The following ZBTB38 variants were observed in gnomAD, a reference collection of about 807,000 sequenced individuals.
ZBTB38 encodes zinc finger and BTB domain containing 38.
ZBTB38 carries 20 observed loss-of-function variants against 76.8 expected under a neutral mutation model. The ratio of observed to expected loss-of-function variants is 0.26; its 90% CI spans 0.18 to 0.38. The LOEUF (loss-of-function observed/expected upper bound fraction) is 0.38, where lower values mean the gene tolerates loss of function less well. Among genes scored for constraint, ZBTB38 ranks in the 10% least tolerant of loss-of-function variants. ZBTB38 has a pLI of 1.00. For missense variants in ZBTB38, 1,082 were observed against 1,482.3 expected (o/e 0.73, Z 4.43); for synonymous variants, 504 against 544.2 (o/e 0.93, Z 1.03).
chr3:141,408,002 T>A (rs1182377720), intron 5 of ZBTB38, among the ~76,000 whole-genome samples: 1 of 152,242 alleles, frequency 6.6e-6, no homozygotes, highest in Non-Finnish European at 1.5e-5. Flanking sequence ...CAAACCAGTT[T>A]CTTTTTCTGG....
At chr3:141,340,251 T>C (rs1559912812) in intron 1 of ZBTB38, among the ~76,000 whole-genome samples, 1 of 152,212 alleles carries the variant, frequency 6.6e-6, no homozygotes, top group Non-Finnish European at 1.5e-5. Flanking sequence ...TAATATTCAG[T>C]CCAAAGCGTT....
At chr3:141,419,082 C>A (rs2150103806) in intron 5 of ZBTB38, among the ~76,000 whole-genome samples, 1 of 152,250 alleles carries the variant, frequency 6.6e-6, no homozygotes, top group South Asian at 2.1e-4. Context: ...GTTTTGCAGG[C>A]TTAATGGGAA....
intron 5 of ZBTB38, among the ~76,000 whole-genome samples, chr3:141,405,252 TG>T (rs1284302574): frequency 1.3e-5 from 2 of 152,242 alleles, no homozygotes; most frequent in Non-Finnish European, 2.9e-5. Flanking sequence ...AATTTTCTAT[TG>T]TTAATATGCT....
chr3:141,367,585 A>C (rs1944018627), upstream of ZBTB38: 1 of 152,234 alleles, frequency 6.6e-6, no homozygotes. Flanking sequence ...GCCACTCAGC[A>C]CCGTGATTAA....
intron 5 of ZBTB38, among the ~76,000 whole-genome samples, chr3:141,415,476 GGGA>G (rs1465919910): frequency 6.6e-6 from 1 of 152,142 alleles, no homozygotes; most frequent in Non-Finnish European, 1.5e-5. Flanking sequence ...GACATCCTCT[GGGA>G]GTCCGTTAGA....
intron 1 of ZBTB38, among the ~76,000 whole-genome samples, chr3:141,337,652 G>A (rs1268954498): frequency 6.6e-6 from 1 of 152,158 alleles, no homozygotes; most frequent in Admixed American, 6.5e-5. Context: ...TAAGGAAGCA[G>A]GTTTGATGAT....
intron 1 of ZBTB38, among the ~76,000 whole-genome samples, chr3:141,329,378 T>G (rs1942777363): frequency 6.6e-6 from 1 of 152,196 alleles, no homozygotes; most frequent in Non-Finnish European, 1.5e-5. Context: ...TCCCACATCC[T>G]TCTCCCAGCT....
At chr3:141,431,385 T>G (rs1038479628) in intron 5 of ZBTB38, among the ~76,000 whole-genome samples, 1 of 147,118 alleles carries the variant, frequency 6.8e-6, no homozygotes, top group Admixed American at 6.7e-5. Flanking sequence ...TCAGTGGAAT[T>G]TGGGTAAAAC....
chr3:141,412,804 GT>G (rs1337185452), intron 5 of ZBTB38, among the ~76,000 whole-genome samples: 75 of 145,152 alleles, frequency 5.2e-4, no homozygotes, highest in Admixed American at 6.2e-4. Context: ...TTTCCACTCG[GT>G]TTTTTTTTTT....
At chr3:141,391,151 C>T (rs769447992) in intron 4 of ZBTB38, among the ~76,000 whole-genome samples, 10 of 151,900 alleles carry the variant, frequency 6.6e-5, no homozygotes, top group Non-Finnish European at 1.2e-4. Context: ...AAAAGCAAGA[C>T]TCTTTCTCTA....
At chr3:141,411,913 A>G (rs1478199779) in intron 5 of ZBTB38, among the ~76,000 whole-genome samples, 1 of 152,240 alleles carries the variant, frequency 6.6e-6, no homozygotes, top group Non-Finnish European at 1.5e-5. Flanking sequence ...TCAGGAAACC[A>G]AGAGCTTTTT....
At position 141,443,871 on chromosome 3, in the gene ZBTB38, A is replaced by G; in HGVS notation, c.1483A>G (p.Lys495Glu). ...RRTYPCHYCN[K>E]VFALAEYRTR... ...AACATATCCTTGCCATTACTGCAAC[A>G]AAGTATTTGCATTGGCTGAGTACAG... Residue 495 changes from lysine (K) to glutamate (E), a missense_variant, in exon 6 of 6, where the codon AAA becomes GAA. Lys to Glu is a moderately conservative substitution (Grantham distance 56, BLOSUM62 1). Transcript: ENST00000321464. This position sits in a 1 kb window ranked among gnomAD's most constrained non-coding sequence, Gnocchi z 5.6. 1 of 1,614,180 alleles carries G rather than the reference A, an allele frequency of 6.2e-7. No homozygotes were observed. Among genetic ancestry groups the G allele is most frequent in the Non-Finnish European group, 8.5e-7 (1 of 1,180,048 alleles).
At chr3:141,363,006 G>A (rs1353040454) in intron 1 of ZBTB38, among the ~76,000 whole-genome samples, 4 of 151,720 alleles carry the variant, frequency 2.6e-5, no homozygotes, top group Non-Finnish European at 5.9e-5. Context: ...CTTTTTCTCA[G>A]ATGAAGAAAA....
chr3:141,342,768 T>C (rs1943237277), intron 1 of ZBTB38, among the ~76,000 whole-genome samples: 1 of 145,992 alleles, frequency 6.8e-6, no homozygotes, highest in Non-Finnish European at 1.5e-5. Flanking sequence ...TCTGGGTTTG[T>C]GTACAGGCAG....
intron 3 of ZBTB38, among the ~76,000 whole-genome samples, chr3:141,385,649 AGTGTGTGTGTGT>A (rs10617390): frequency 7.8e-4 from 115 of 147,150 alleles, no homozygotes; most frequent in African/African-American, 2.5e-3. Flanking sequence ...TCGAGCTTTG[AGTGTGTGTGTGT>A]GTGTGTGTGT....
intron 5 of ZBTB38, among the ~76,000 whole-genome samples, chr3:141,439,726 A>G (rs1459737492): frequency 6.6e-6 from 1 of 152,244 alleles, no homozygotes; most frequent in Non-Finnish European, 1.5e-5. Flanking sequence ...AAGACAAAAT[A>G]GATGATGTCA....
At chr3:141,423,273 T>C (rs930279014) in intron 5 of ZBTB38, among the ~76,000 whole-genome samples, 7 of 152,238 alleles carry the variant, frequency 4.6e-5, no homozygotes, top group Non-Finnish European at 7.3e-5. Context: ...GCTAGTATCA[T>C]AATGAGATGG....
intron 5 of ZBTB38, among the ~76,000 whole-genome samples, chr3:141,412,720 T>G (rs766584929): frequency 6.6e-6 from 1 of 152,150 alleles, no homozygotes; most frequent in Non-Finnish European, 1.5e-5. Flanking sequence ...TCTATTACCT[T>G]TCTTTTGGGG....
At chr3:141,415,959 A>G (rs1433677629) in intron 5 of ZBTB38, among the ~76,000 whole-genome samples, 3 of 152,222 alleles carry the variant, frequency 2.0e-5, no homozygotes, top group Admixed American at 1.3e-4. Context: ...ATTATAATGT[A>G]GGATTTTAAT....
Sources: allele counts gnomAD v4.1 joint callset (sites outside exome capture counted in the v4.1 genomes callset), GRCh38; gene constraint gnomAD v4.1.1; non-coding constraint Gnocchi (gnomAD v3.1); transcripts MANE v1.5; gene names NCBI Gene and HGNC (gene_info 2026-07-23, HGNC 2026-07-21).